The following RPS6KC1 variants were observed in gnomAD, a reference collection of about 807,000 sequenced individuals.
The protein encoded by RPS6KC1 is ribosomal protein S6 kinase C1, also known as inactive ribosomal protein S6 kinase delta-1.
In RPS6KC1, 54 loss-of-function variants were observed where a neutral mutation model predicts 103.8. That is an observed-to-expected ratio of 0.52 (90% CI 0.42 to 0.65). The LOEUF (loss-of-function observed/expected upper bound fraction) is 0.65, where lower values mean the gene tolerates loss of function less well. Ranked by LOEUF, RPS6KC1 falls within the 30% of genes least tolerant of loss-of-function variation. The pLI is 0.00. For synonymous variants in RPS6KC1, 439 were observed against 438.7 expected (o/e 1.00, Z -0.01); for missense variants, 1,151 against 1,253.8 (o/e 0.92, Z 1.24).
the RPS6KC1 span, among the ~76,000 whole-genome samples, chr1:213,331,620 C>T: frequency 2.0e-5 from 3 of 152,214 alleles, no homozygotes; most frequent in African/African-American, 7.2e-5. Flanking sequence ...TGTCACTCCA[C>T]GTCTGCAGAT....
At chr1:213,128,486 G>A (rs2148985402) in intron 5 of RPS6KC1, among the ~76,000 whole-genome samples, 1 of 152,286 alleles carries the variant, frequency 6.6e-6, no homozygotes, top group South Asian at 2.1e-4. Context: ...ATAAAAGGCT[G>A]TCCTGGGAGC....
At chr1:213,515,379 T>C in the RPS6KC1 span, among the ~76,000 whole-genome samples, 2 of 152,244 alleles carry the variant, frequency 1.3e-5, no homozygotes, top group Non-Finnish European at 2.9e-5. Context: ...CATTTAAGTC[T>C]TTAATCCATC....
intron 6 of RPS6KC1, among the ~76,000 whole-genome samples, chr1:213,159,282 A>G (rs147411797): frequency 1.4e-4 from 22 of 152,284 alleles, no homozygotes; most frequent in African/African-American, 4.8e-4. Flanking sequence ...TTTGGTGTCA[A>G]ATTTTATGTT....
the RPS6KC1 span, among the ~76,000 whole-genome samples, chr1:213,302,620 C>T: frequency 3.3e-5 from 5 of 152,184 alleles, no homozygotes; most frequent in South Asian, 2.1e-4. Flanking sequence ...AATCCAAAGG[C>T]GGGGTTGACG....
the RPS6KC1 span, among the ~76,000 whole-genome samples, chr1:213,848,018 T>C: frequency 3.3e-5 from 5 of 152,156 alleles, no homozygotes; most frequent in Non-Finnish European, 5.9e-5. Flanking sequence ...ATTGCAGTTC[T>C]GTCTCTAAGT....
At chr1:213,626,946 T>G in the RPS6KC1 span, among the ~76,000 whole-genome samples, 1 of 152,248 alleles carries the variant, frequency 6.6e-6, no homozygotes, top group Non-Finnish European at 1.5e-5. Context: ...AAAGTAGTTT[T>G]TTCCAATTCT....
the RPS6KC1 span, among the ~76,000 whole-genome samples, chr1:213,769,494 A>G: frequency 8.3e-6 from 1 of 121,006 alleles, no homozygotes; most frequent in East Asian, 2.7e-4. Context: ...CTCCACCTGG[A>G]GAGAGAGAGA....
At chr1:213,832,728 GA>G in the RPS6KC1 span, 1 of 152,198 alleles carries the variant, frequency 6.6e-6, no homozygotes, top group African/African-American at 2.4e-5. Context: ...GCAGTACTTA[GA>G]AAAAGCATAT....
the RPS6KC1 span, among the ~76,000 whole-genome samples, chr1:213,744,454 G>T: frequency 6.6e-6 from 1 of 152,138 alleles, no homozygotes; most frequent in Admixed American, 6.5e-5. Flanking sequence ...TCTCCCTATT[G>T]CCCCCTCCAA....
intron 5 of RPS6KC1, among the ~76,000 whole-genome samples, chr1:213,117,907 A>C (rs924820044): frequency 1.3e-5 from 2 of 150,626 alleles, no homozygotes; most frequent in Admixed American, 6.7e-5. Flanking sequence ...TTGTAATCCT[A>C]GCTACTAGGG....
intron 10 of RPS6KC1, among the ~76,000 whole-genome samples, chr1:213,234,550 T>C (rs927682971): frequency 5.3e-5 from 8 of 152,132 alleles, no homozygotes; most frequent in Non-Finnish European, 1.2e-4. Context: ...GGGATGAGTA[T>C]AAAAACAAAC....
downstream of RPS6KC1, among the ~76,000 whole-genome samples, chr1:213,276,433 T>C (rs759916792): frequency 6.6e-6 from 1 of 152,210 alleles, no homozygotes; most frequent in Non-Finnish European, 1.5e-5. Flanking sequence ...ATGCAAAGTC[T>C]AGAGTGGTGT....
chr1:213,145,420 G>A (rs985215969), intron 6 of RPS6KC1, among the ~76,000 whole-genome samples: 1 of 152,108 alleles, frequency 6.6e-6, no homozygotes, highest in African/African-American at 2.4e-5. Context: ...GATGTCCAGT[G>A]TGTTGTCTAG....
the RPS6KC1 span, among the ~76,000 whole-genome samples, chr1:213,479,520 C>A: frequency 6.6e-6 from 1 of 151,944 alleles, no homozygotes; most frequent in Non-Finnish European, 1.5e-5. Flanking sequence ...TGGTCGTTTT[C>A]TCATTTGTTA....
chr1:213,085,313 T>C (rs1377661990), intron 3 of RPS6KC1, among the ~76,000 whole-genome samples: 1 of 152,202 alleles, frequency 6.6e-6, no homozygotes, highest in East Asian at 1.9e-4. Context: ...TTGTGAAGCA[T>C]TTAGTGCCCA....
the RPS6KC1 span, among the ~76,000 whole-genome samples, chr1:213,381,599 T>C: frequency 6.6e-6 from 1 of 152,092 alleles, no homozygotes; most frequent in East Asian, 1.9e-4. Flanking sequence ...CCTACAGTTA[T>C]GTCAAACAAA....
At chr1:213,090,499 G>T (rs981255478) in intron 3 of RPS6KC1, among the ~76,000 whole-genome samples, 4 of 152,144 alleles carry the variant, frequency 2.6e-5, no homozygotes, top group Admixed American at 1.3e-4. Flanking sequence ...CAATCCCAAA[G>T]CCAAAATTAA....
At chr1:213,075,108 C>A (rs2079209535) in intron 2 of RPS6KC1, among the ~76,000 whole-genome samples, 1 of 151,928 alleles carries the variant, frequency 6.6e-6, no homozygotes, top group South Asian at 2.1e-4. Flanking sequence ...GCCTTGGCCT[C>A]CCAAAGTGCT....
At chr1:213,689,760 C>G in the RPS6KC1 span, among the ~76,000 whole-genome samples, 1 of 152,208 alleles carries the variant, frequency 6.6e-6, no homozygotes, top group Non-Finnish European at 1.5e-5. Context: ...TCCCAGGATT[C>G]TGTTGCCATA....
Sources: allele counts gnomAD v4.1 joint callset (sites outside exome capture counted in the v4.1 genomes callset), GRCh38; gene constraint gnomAD v4.1.1; transcripts MANE v1.5; gene names NCBI Gene and HGNC (gene_info 2026-07-23, HGNC 2026-07-21).